Variants in PGLYRP4 observed in about 807,000 individuals in gnomAD.
The protein encoded by PGLYRP4 is PGRP-I-beta.
In PGLYRP4, 39 loss-of-function variants were observed where a neutral mutation model predicts 41.2. The ratio of observed to expected loss-of-function variants is 0.95; its 90% CI spans 0.73 to 1.24. The LOEUF is 1.24. Among genes scored for constraint, PGLYRP4 ranks in the 50% most tolerant of loss-of-function variants. PGLYRP4 has a pLI of 0.00. For missense variants in PGLYRP4, 467 were observed against 460.7 expected (o/e 1.01, Z -0.13); for synonymous variants, 202 against 186.8 (o/e 1.08, Z -0.66).
intron 2 of PGLYRP4, among the ~76,000 whole-genome samples, chr1:153,346,792 G>A (rs552450153): frequency 6.6e-6 from 1 of 152,174 alleles, no homozygotes; most frequent in Non-Finnish European, 1.5e-5. Context: ...TGTAATCCTT[G>A]CTCCTGTTTA....
chr1:153,338,984 G>A (rs1288764485), intron 7 of PGLYRP4, among the ~76,000 whole-genome samples: 4 of 152,212 alleles, frequency 2.6e-5, no homozygotes, highest in South Asian at 2.1e-4. Flanking sequence ...CTTGTGCCAC[G>A]CAGAGTACAC....
At chr1:153,337,428 T>C in intron 7 of PGLYRP4, 129 bp from the exon 8 acceptor site, 2 of 629,436 alleles carry the variant, frequency 3.2e-6, no homozygotes. Flanking sequence ...AAGCACTGGG[T>C]TACAGAAACA....
At chr1:153,344,675 G>C (rs925642660) in intron 4 of PGLYRP4, among the ~76,000 whole-genome samples, 1 of 152,210 alleles carries the variant, frequency 6.6e-6, no homozygotes, top group Non-Finnish European at 1.5e-5. Flanking sequence ...GGAACAGATG[G>C]ACATTTGCCT....
chr1:153,334,322 A>G (rs1274758129), intron 8 of PGLYRP4, among the ~76,000 whole-genome samples: 1 of 151,426 alleles, frequency 6.6e-6, no homozygotes, highest in Non-Finnish European at 1.5e-5. Flanking sequence ...ATAGATATAG[A>G]TAGATAAATA....
At chr1:153,348,026 G>A in intron 1 of PGLYRP4, 48 bp from the exon 2 acceptor site, 1 of 1,066,272 alleles carries the variant, frequency 9.4e-7, no homozygotes. Flanking sequence ...TCAATCTGCA[G>A]AGCATCCCAA....
intron 7 of PGLYRP4, among the ~76,000 whole-genome samples, chr1:153,338,082 C>T (rs1342343178): frequency 4.6e-5 from 7 of 152,188 alleles, no homozygotes; most frequent in African/African-American, 1.4e-4. Flanking sequence ...CATGAAAGTC[C>T]GCACGTTCAC....
intron 6 of PGLYRP4, 45 bp downstream of exon 6, chr1:153,341,582 G>A (rs1203577064): frequency 6.4e-7 from 1 of 1,562,920 alleles, no homozygotes; most frequent in East Asian, 2.2e-5. Context: ...AGTTAGTTGG[G>A]GTGAGCCCAG....
At chr1:153,344,444 G>A (rs1660918392) in intron 4 of PGLYRP4, among the ~76,000 whole-genome samples, 1 of 152,164 alleles carries the variant, frequency 6.6e-6, no homozygotes, top group Non-Finnish European at 1.5e-5. Context: ...TGGGGTTGAG[G>A]AGGCTACACA....
chr1:153,344,807 C>G (rs951281526), intron 4 of PGLYRP4, among the ~76,000 whole-genome samples: 3 of 152,176 alleles, frequency 2.0e-5, no homozygotes, highest in Non-Finnish European at 4.4e-5. Context: ...CTCCCTTGGG[C>G]CCCTCTTCCC....
intron 8 of PGLYRP4, 67 bp from the exon 9 acceptor site, chr1:153,331,012 A>G (rs779262153): frequency 3.4e-5 from 46 of 1,344,608 alleles, no homozygotes; most frequent in Non-Finnish European, 4.6e-5. Context: ...ACATATCCCC[A>G]GAACCCACCC....
rs1372785776 is a variant in PGLYRP4, at chr1:153,340,495, A to G, written c.710T>C (p.Ile237Thr). Reference sequence around the variant, plus strand: ...GGTCCTCCCGGCAGTGTGGATAATGATGCCATACTTCGCTGGGAGAGTCAT... The same window carrying G: ...GGTCCTCCCGGCAGTGTGGATAATGGTGCCATACTTCGCTGGGAGAGTCAT... ...PRMTLPAKYG[I>T]IIHTAGRTCN... The change falls in exon 7 of 9, where the codon ATC becomes ACC. Residue 237 changes from isoleucine (I) to threonine (T), a missense_variant. Physicochemically the swap from Ile to Thr is moderately conservative, Grantham distance 89. Coordinates refer to ENST00000359650, the MANE Select transcript of PGLYRP4 (RefSeq NM_020393.4). The G allele has an allele frequency of 6.2e-7, 1 of 1,614,176 alleles. No individual in the cohort carries two copies. The highest frequency in any genetic ancestry group is 1.1e-5 in the South Asian group (1 of 91,084).
chr1:153,332,047 C>T (rs552157171), intron 8 of PGLYRP4, among the ~76,000 whole-genome samples: 10 of 152,176 alleles, frequency 6.6e-5, no homozygotes, highest in Admixed American at 1.3e-4. Context: ...ACACAAAATC[C>T]AACTGTATGC....
intron 8 of PGLYRP4, among the ~76,000 whole-genome samples, chr1:153,334,464 T>TATATATATA (rs1553197034): frequency 0.012 from 666 of 57,132 alleles, 5 homozygotes; most frequent in Non-Finnish European, 0.02. Context: ...ATATATATAT[T>TATATATATA]TATTTATATA....
At chr1:153,331,725 T>C (rs1660344599) in intron 8 of PGLYRP4, 1 of 152,424 alleles carries the variant, frequency 6.6e-6, no homozygotes, top group African/African-American at 2.4e-5. Flanking sequence ...CATTCCATAT[T>C]TGTATGGAGA....
chr1:153,338,842 C>A (rs1660676070), intron 7 of PGLYRP4, among the ~76,000 whole-genome samples: 1 of 152,142 alleles, frequency 6.6e-6, no homozygotes, highest in African/African-American at 2.4e-5. Flanking sequence ...CCATGTGTCC[C>A]CTATAATAAT....
Position 153,348,515 on chromosome 1 carries a change from A to T in PGLYRP4, c.-47+13T>A, listed in dbSNP as rs1236876940. The T allele has an allele frequency of 6.5e-6, 1 of 152,878 alleles. No individual in the cohort carries two copies. Among genetic ancestry groups the T allele is most frequent in the Non-Finnish European group, 1.5e-5 (1 of 68,562 alleles). 9.5% of individuals were successfully genotyped at this position (152,878 alleles called of 1,614,324 possible). A position where few individuals can be genotyped will look rare whatever the true frequency, so the allele number is the denominator to read the frequency against. On this transcript the variant is annotated intron_variant, in intron 1 of 8. Coordinates refer to ENST00000359650, the MANE Select transcript of PGLYRP4 (RefSeq NM_020393.4). Reference sequence around the variant, plus strand: ...AAGAGGGCTTCTGAAGAAGAAACACATACTCAACTCACAGATATCTGTGGG... The same window carrying T: ...AAGAGGGCTTCTGAAGAAGAAACACTTACTCAACTCACAGATATCTGTGGG...
Position 153,337,272 on chromosome 1 carries a change from A to C in PGLYRP4, c.852T>G (p.Ile284Met). 1.9e-6 allele frequency: 3 copies of C among 1,612,512 alleles called. No individual in the cohort carries two copies. Among genetic ancestry groups the C allele is most frequent in the Non-Finnish European group, 2.5e-6 (3 of 1,179,210 alleles). Residue 284 changes from isoleucine (I) to methionine (M), a missense_variant, in exon 8 of 9, where the codon ATT (isoleucine) becomes ATG (methionine). By Grantham distance (10) the Ile-to-Met change is conservative. Transcript: ENST00000359650. ...YNFLVGQDGA[I>M]YEGVGWNVQG... The stretch of plus-strand genomic sequence containing the variant: ...GGACATTCCAGCCCACCCCTTCATA[A>C]ATGGCGCCATCCTGGCCCACCAGGA...
intron 7 of PGLYRP4, among the ~76,000 whole-genome samples, chr1:153,337,821 G>A (rs821433): frequency 0.93 from 140,756 of 152,136 alleles, 65,191 homozygotes; most frequent in African/African-American, 0.98. Context: ...AACTTCCCCA[G>A]TCTTTCCTGA....
At chr1:153,339,975 T>G (rs951187053) in intron 7 of PGLYRP4, among the ~76,000 whole-genome samples, 1 of 152,144 alleles carries the variant, frequency 6.6e-6, no homozygotes, top group Non-Finnish European at 1.5e-5. Flanking sequence ...GGGAACCACT[T>G]CAGGTTGTGG....
Sources: allele counts gnomAD v4.1 joint callset (sites outside exome capture counted in the v4.1 genomes callset), GRCh38; gene constraint gnomAD v4.1.1; transcripts MANE v1.5; gene names NCBI Gene and HGNC (gene_info 2026-07-23, HGNC 2026-07-21).